The following VWA8 variants were observed in gnomAD, a reference collection of about 807,000 sequenced individuals.
The protein encoded by VWA8 is von Willebrand factor A domain containing 8, also known as von Willebrand factor A domain-containing protein 8.
VWA8 carries 221 observed loss-of-function variants against 241.5 expected under a neutral mutation model. The observed-to-expected ratio is 0.91, with a 90% CI of 0.82 to 1.02. The LOEUF is 1.02. Ranked by LOEUF, VWA8 falls within the 50% of genes least tolerant of loss-of-function variation. VWA8 has a pLI of 0.00. For synonymous variants in VWA8, 852 were observed against 827.1 expected (o/e 1.03, Z -0.52); for missense variants, 2,322 against 2,328.7 (o/e 1.00, Z 0.06).
intron 9 of VWA8, among the ~76,000 whole-genome samples, chr13:41,882,942 A>C (rs1874333470): frequency 1.3e-5 from 2 of 151,972 alleles, no homozygotes; most frequent in Admixed American, 1.3e-4. Flanking sequence ...TACACATACT[A>C]TCTCTATCTA....
At chr13:41,811,455 G>T in intron 16 of VWA8, 115 bp from the exon 17 acceptor site, 2 of 589,592 alleles carry the variant, frequency 3.4e-6, no homozygotes, top group Non-Finnish European at 5.6e-6. Flanking sequence ...CAAACTTAAA[G>T]TATGTGCTGT....
chr13:41,642,562 C>CAAAAAAAAA (rs1156882566), intron 37 of VWA8, among the ~76,000 whole-genome samples: 3 of 61,376 alleles, frequency 4.9e-5, no homozygotes, highest in African/African-American at 6.2e-5. Context: ...CCGTCTCAAA[C>CAAAAAAAAA]AAAAAAAAAA....
intron 35 of VWA8, among the ~76,000 whole-genome samples, chr13:41,679,785 A>G (rs1370656372): frequency 6.6e-6 from 1 of 152,200 alleles, no homozygotes; most frequent in Non-Finnish European, 1.5e-5. Context: ...TCAGAGATCT[A>G]CATGCACATA....
intron 5 of VWA8, 149 bp downstream of exon 5, chr13:41,891,271 G>T: frequency 1.2e-6 from 1 of 865,136 alleles, no homozygotes. Flanking sequence ...GTGTTGTAAA[G>T]CTGTAAATTC....
intron 19 of VWA8, among the ~76,000 whole-genome samples, chr13:41,781,277 T>C (rs1446867537): frequency 6.6e-6 from 1 of 152,178 alleles, no homozygotes; most frequent in East Asian, 1.9e-4. Context: ...CTCAGCTTCA[T>C]ACCAGTGACA....
At position 41,726,571 on chromosome 13, in the gene VWA8, T is replaced by C. The variant is rs913133879; in HGVS notation, c.2758+623A>G. ...ACAAAAGTAAAACCATTTTTTATTC[T>C]GTGTTTTATTCCAAGAGGTCCTAAA... On this transcript the variant is annotated intron_variant, in intron 24 of 44. Coordinates refer to ENST00000379310, the MANE Select transcript of VWA8 (RefSeq NM_015058.2). Among the ~76,000 whole-genome samples the C allele has an allele frequency of 2.8e-4, 43 of 152,322 alleles. 1 individual carries two copies. The highest frequency in any genetic ancestry group is 1.0e-3 in the African/African-American group (43 of 41,568).
chr13:41,851,916 A>T (rs574259451), intron 12 of VWA8, among the ~76,000 whole-genome samples: 35 of 152,286 alleles, frequency 2.3e-4, no homozygotes, highest in African/African-American at 7.5e-4. Flanking sequence ...TTCCTTCAAG[A>T]TACTGACTTT....
intron 17 of VWA8, among the ~76,000 whole-genome samples, chr13:41,803,661 T>C (rs1870060427): frequency 6.6e-6 from 1 of 152,130 alleles, no homozygotes; most frequent in South Asian, 2.1e-4. Flanking sequence ...TCTCCCACAA[T>C]TTGTGGGAAT....
chr13:41,869,813 C>T lies in VWA8; in HGVS notation c.1081-1336G>A, dbSNP rs535480584. On this transcript the variant is annotated intron_variant, in intron 9 of 44. Coordinates refer to ENST00000379310, the MANE Select transcript of VWA8 (RefSeq NM_015058.2). ...ATAAATTGAAAATTAAGTTCTATGC[C>T]TTATTTATAACAGCATGCTCAATAT... Among the ~76,000 whole-genome samples, 3 of 151,946 alleles carry T rather than the reference C, an allele frequency of 2.0e-5. No individual in the cohort carries two copies. The South Asian group carries it at 6.2e-4, about 32-fold the overall frequency.
chr13:41,934,983 T>C (rs926646352), intron 2 of VWA8, among the ~76,000 whole-genome samples: 2 of 152,132 alleles, frequency 1.3e-5, no homozygotes, highest in Non-Finnish European at 2.9e-5. Flanking sequence ...TGGACAATTT[T>C]GGTTTTATCT....
Position 41,816,671 on chromosome 13 carries a change from A to G in VWA8, c.1947+27T>C, listed in dbSNP as rs1172232693. 2.5e-6 allele frequency: 4 copies of G among 1,587,512 alleles called. No homozygotes were observed. In the African/African-American group the frequency reaches 5.4e-5, roughly 22 times the overall value. ...AACCAGCAGCATGTCAACAATAGAA[A>G]ATCCTGTGGAAAAAGCCTAGACTTA... On this transcript the variant is annotated intron_variant, in intron 16 of 44. Transcript: ENST00000379310.
chr13:41,581,707 T>C (rs63398361), intron 42 of VWA8, among the ~76,000 whole-genome samples: 113 of 150,102 alleles, frequency 7.5e-4, no homozygotes, highest in Non-Finnish European at 1.4e-3. Context: ...TTTTTTTTTT[T>C]CCAAGTGCAA....
rs549487439 is a variant in VWA8 at position 41,727,393 on chromosome 13, T to C, written c.2639-80A>G. ...TCAAGCAACAATCTTTTAGATAACA[T>C]AAATAGTTATACTGTTCAATTGTAA... is the stretch of plus-strand genomic sequence containing the variant. On this transcript the variant is annotated intron_variant, in intron 23 of 44. Transcript: ENST00000379310. 1.4e-5 allele frequency: 15 copies of C among 1,075,448 alleles called. No homozygotes were observed. The East Asian group carries it at 1.6e-4, about 12-fold the overall frequency. The allele number at this position is 1,075,448 out of a possible 1,614,324, so 66.6% of individuals were successfully genotyped here. A position where few individuals can be genotyped will look rare whatever the true frequency, so the allele number is the denominator to read the frequency against.
intron 17 of VWA8, among the ~76,000 whole-genome samples, chr13:41,790,240 G>A (rs889387227): frequency 7.2e-5 from 11 of 151,980 alleles, no homozygotes; most frequent in African/African-American, 2.4e-4. Flanking sequence ...CAAGCAAAAC[G>A]ATTCTTCCAG....
At chr13:41,681,321 A>T (rs557508518) in intron 35 of VWA8, among the ~76,000 whole-genome samples, 1 of 152,292 alleles carries the variant, frequency 6.6e-6, no homozygotes, top group East Asian at 1.9e-4. Context: ...CTTTGCAGTC[A>T]TCCCTAGACC....
At chr13:41,958,746 C>CA (rs1235407893) in intron 1 of VWA8, among the ~76,000 whole-genome samples, 2 of 152,150 alleles carry the variant, frequency 1.3e-5, no homozygotes, top group Non-Finnish European at 2.9e-5. Flanking sequence ...CTCACACCCT[C>CA]AAAAAATACC....
chr13:41,646,292 G>C (rs904555416), intron 37 of VWA8, among the ~76,000 whole-genome samples: 1 of 152,102 alleles, frequency 6.6e-6, no homozygotes, highest in Non-Finnish European at 1.5e-5. Context: ...TATGTGTAGG[G>C]TTGAACAATG....
chr13:41,743,823 T>C (rs1489930808), intron 21 of VWA8, among the ~76,000 whole-genome samples: 1 of 152,230 alleles, frequency 6.6e-6, no homozygotes, highest in Non-Finnish European at 1.5e-5. Flanking sequence ...TGTTCATTGT[T>C]GTATTCTCAA....
In VWA8 at chr13:41,745,372, G is replaced by A. The variant is rs1179546442; in HGVS notation, c.2427-13217C>T. On this transcript the variant is annotated intron_variant, in intron 21 of 44. Transcript: ENST00000379310. ...TTTTCATTGTTCAATTCCCACCTAT[G>A]AGTGAGAACATGTGGTGTTTGGTTT... Among the ~76,000 whole-genome samples, 3 of 152,092 alleles carry A rather than the reference G, an allele frequency of 2.0e-5. No individual in the cohort carries two copies. In the East Asian group the frequency reaches 5.8e-4, roughly 29 times the overall value.
Sources: allele counts gnomAD v4.1 joint callset (sites outside exome capture counted in the v4.1 genomes callset), GRCh38; gene constraint gnomAD v4.1.1; transcripts MANE v1.5; gene names NCBI Gene and HGNC (gene_info 2026-07-23, HGNC 2026-07-21).